PLEKHG1: variants seen among roughly 807,000 people sequenced by gnomAD.
PLEKHG1 encodes pleckstrin homology and RhoGEF domain containing G1.
Under a neutral mutation model 100.8 loss-of-function variants are expected in PLEKHG1, and 44 were observed. The observed-to-expected ratio is 0.44, with a 90% CI of 0.34 to 0.56. The LOEUF (loss-of-function observed/expected upper bound fraction) is 0.56. Ranked by LOEUF, PLEKHG1 falls within the 20% of genes least tolerant of loss-of-function variation. PLEKHG1 has a pLI of 0.01. For synonymous variants in PLEKHG1, 640 were observed against 662.5 expected (o/e 0.97, Z 0.52); for missense variants, 1,545 against 1,720.9 (o/e 0.90, Z 1.81).
intron 1 of PLEKHG1, among the ~76,000 whole-genome samples, chr6:150,625,449 T>C (rs1204209501): frequency 2.6e-5 from 4 of 152,108 alleles, no homozygotes; most frequent in Non-Finnish European, 4.4e-5. Flanking sequence ...CCAGTCATAA[T>C]GGATTAGGGC....
intron 2 of PLEKHG1, among the ~76,000 whole-genome samples, chr6:150,642,082 C>T (rs1778293614): frequency 6.6e-6 from 1 of 151,586 alleles, no homozygotes; most frequent in South Asian, 2.1e-4. Flanking sequence ...AAAGTTATCT[C>T]CTAAAATATT....
chr6:150,841,311 G>A (rs913429020), exon 16 of PLEKHG1: 57 of 269,782 alleles, frequency 2.1e-4, no homozygotes, highest in Admixed American at 3.1e-4. Flanking sequence ...AAAAGGCAAC[G>A]AAAGCTGTTG....
chr6:150,685,156 C>T (rs1371290408), intron 3 of PLEKHG1, among the ~76,000 whole-genome samples: 1 of 152,124 alleles, frequency 6.6e-6, no homozygotes, highest in Non-Finnish European at 1.5e-5. Context: ...CCTTAACCCC[C>T]TCTTCCAAGA....
intron 5 of PLEKHG1, among the ~76,000 whole-genome samples, chr6:150,796,978 G>T (rs192639524): frequency 1.5e-3 from 232 of 151,850 alleles, no homozygotes; most frequent in South Asian, 3.1e-3. Context: ...GAGTTATGGG[G>T]TTTTTTTGTT....
chr6:150,827,814 A>G, intron 14 of PLEKHG1: 2 of 1,417,602 alleles, frequency 1.4e-6, no homozygotes, highest in South Asian at 1.2e-5. Flanking sequence ...ATATGAAGAT[A>G]TGACTTTGGA....
chr6:150,742,556 C>T (rs1185555799), intron 2 of PLEKHG1, among the ~76,000 whole-genome samples: 1 of 93,076 alleles, frequency 1.1e-5, no homozygotes, highest in Non-Finnish European at 1.9e-5. Context: ...TAGAGTGAGA[C>T]TCCATCTCAA....
intron 3 of PLEKHG1, among the ~76,000 whole-genome samples, chr6:150,771,415 T>TTGAATGAA (rs112737006): frequency 1.3e-5 from 2 of 151,714 alleles, no homozygotes; most frequent in East Asian, 2.0e-4. Flanking sequence ...AGACTCCATC[T>TTGAATGAA]TGAATGAATG....
At chr6:150,798,541 C>A (rs1246629807) in intron 5 of PLEKHG1, among the ~76,000 whole-genome samples, 1 of 152,124 alleles carries the variant, frequency 6.6e-6, no homozygotes, top group Non-Finnish European at 1.5e-5. Flanking sequence ...CATGGAGCAC[C>A]GTCCCAAGCC....
intron 3 of PLEKHG1, among the ~76,000 whole-genome samples, chr6:150,707,363 A>T (rs4869689): frequency 6.6e-6 from 1 of 152,118 alleles, no homozygotes; most frequent in Non-Finnish European, 1.5e-5. Context: ...ATCAGATCAT[A>T]TAGTCTGGTA....
chr6:150,780,055 C>T (rs369771175), intron 3 of PLEKHG1, among the ~76,000 whole-genome samples: 2 of 152,088 alleles, frequency 1.3e-5, no homozygotes, highest in East Asian at 3.9e-4. Flanking sequence ...GGACACAATA[C>T]ATCCAGAGCA....
intron 4 of PLEKHG1, among the ~76,000 whole-genome samples, chr6:150,790,761 C>T (rs1321184714): frequency 5.9e-5 from 9 of 152,102 alleles, no homozygotes; most frequent in East Asian, 1.9e-4. Flanking sequence ...GTGGCTCATG[C>T]GTGTAATCCC....
intron 1 of PLEKHG1, among the ~76,000 whole-genome samples, chr6:150,620,669 G>A (rs1013869864): frequency 2.0e-5 from 3 of 152,180 alleles, no homozygotes; most frequent in Admixed American, 6.5e-5. Flanking sequence ...TAGGAGGACT[G>A]TATGTCTATA....
At chr6:150,655,924 A>G (rs1277597326) in intron 3 of PLEKHG1, among the ~76,000 whole-genome samples, 1 of 151,906 alleles carries the variant, frequency 6.6e-6, no homozygotes, top group Non-Finnish European at 1.5e-5. Context: ...AGGGAGGGGA[A>G]CATCACACAC....
At chr6:150,789,685 T>G (rs1395110602) in intron 4 of PLEKHG1, among the ~76,000 whole-genome samples, 1 of 152,160 alleles carries the variant, frequency 6.6e-6, no homozygotes, top group Non-Finnish European at 1.5e-5. Context: ...GTAAGGAAAG[T>G]CAACTTGATA....
intron 3 of PLEKHG1, among the ~76,000 whole-genome samples, chr6:150,771,150 C>A (rs1385770261): frequency 1.3e-5 from 2 of 152,168 alleles, no homozygotes; most frequent in East Asian, 1.9e-4. Flanking sequence ...TGGTAGCTTA[C>A]ACCTGTAATC....
At chr6:150,783,101 T>A (rs1270236777) in intron 3 of PLEKHG1, among the ~76,000 whole-genome samples, 2 of 143,468 alleles carry the variant, frequency 1.4e-5, no homozygotes, top group African/African-American at 5.3e-5. Flanking sequence ...AAAAAAAAAC[T>A]TTGAAATTGA....
exon 1 of PLEKHG1, chr6:150,721,124 G>C (rs1781652695): frequency 2.1e-5 from 21 of 984,724 alleles, no homozygotes; most frequent in Non-Finnish European, 2.5e-5. Context: ...GACTAGCAAA[G>C]GCTGTTTCTT....
chr6:150,771,449 G>A (rs1330051466), intron 3 of PLEKHG1, among the ~76,000 whole-genome samples: 2 of 152,048 alleles, frequency 1.3e-5, no homozygotes, highest in Admixed American at 6.6e-5. Flanking sequence ...ATGAACGAAC[G>A]AACGAGTTGG....
At chr6:150,666,726 C>T (rs180845653) in intron 3 of PLEKHG1, among the ~76,000 whole-genome samples, 246 of 152,000 alleles carry the variant, frequency 1.6e-3, no homozygotes, top group African/African-American at 5.6e-3. Context: ...TGCCTTCTAG[C>T]TTCATACAGT....
Sources: gnomAD v4.1 joint callset for allele counts (sites outside exome capture counted in the v4.1 genomes callset) on GRCh38, gnomAD v4.1.1 for gene constraint, MANE v1.5 for transcripts, NCBI Gene and HGNC (gene_info 2026-07-23, HGNC 2026-07-21) for gene names.